CDK19: variants seen among roughly 807,000 people sequenced by gnomAD.
CDK19 encodes cyclin dependent kinase 19.
Under a neutral mutation model 68.3 loss-of-function variants are expected in CDK19, and 20 were observed. That is an observed-to-expected ratio of 0.29 (90% CI 0.21 to 0.43). The LOEUF (loss-of-function observed/expected upper bound fraction) is 0.43. CDK19 is among the 20% of genes least tolerant of loss of function. The pLI, the probability that CDK19 is intolerant of heterozygous loss-of-function variation, is 1.00. For synonymous variants in CDK19, 221 were observed against 222.8 expected (o/e 0.99, Z 0.07); for missense variants, 339 against 623.5 (o/e 0.54, Z 4.86).
intron 4 of CDK19, among the ~76,000 whole-genome samples, chr6:110,653,968 C>G (rs1207342933): frequency 6.6e-6 from 1 of 152,132 alleles, no homozygotes; most frequent in African/African-American, 2.4e-5. Context: ...AAATATGAAA[C>G]TCATAATATG....
At chr6:110,809,477 C>T (rs1286838416) in intron 1 of CDK19, among the ~76,000 whole-genome samples, 3 of 152,128 alleles carry the variant, frequency 2.0e-5, no homozygotes, top group South Asian at 4.2e-4. Flanking sequence ...TACGACTGCA[C>T]GACAGCACTC....
At chr6:110,699,303 T>C (rs1562209302) in intron 2 of CDK19, among the ~76,000 whole-genome samples, 1 of 151,460 alleles carries the variant, frequency 6.6e-6, no homozygotes, top group Non-Finnish European at 1.5e-5. Context: ...TGCATGTCTG[T>C]AATCCTAGCT....
intron 1 of CDK19, among the ~76,000 whole-genome samples, chr6:110,768,413 A>G (rs1265495249): frequency 1.3e-5 from 2 of 152,228 alleles, no homozygotes; most frequent in Admixed American, 6.5e-5. Context: ...AGATGAAAAC[A>G]TGTCTAAAGA....
At chr6:110,644,291 C>CAA (rs1282326460) in intron 4 of CDK19, among the ~76,000 whole-genome samples, 5 of 94,476 alleles carry the variant, frequency 5.3e-5, no homozygotes, top group Non-Finnish European at 8.7e-5. Flanking sequence ...GACTTCATCT[C>CAA]AAAAAAAAAA....
At chr6:110,767,410 G>A (rs2114978618) in intron 1 of CDK19, among the ~76,000 whole-genome samples, 1 of 151,918 alleles carries the variant, frequency 6.6e-6, no homozygotes, top group South Asian at 2.1e-4. Flanking sequence ...CTGAGGTCAG[G>A]AGTTCGAGAC....
chr6:110,659,324 G>C (rs546846455), intron 4 of CDK19, among the ~76,000 whole-genome samples: 1 of 152,320 alleles, frequency 6.6e-6, no homozygotes, highest in South Asian at 2.1e-4. Flanking sequence ...TCTTACAGCT[G>C]AGTGAAAACA....
chr6:110,669,375 G>C (rs1479740561), intron 3 of CDK19, among the ~76,000 whole-genome samples: 1 of 152,214 alleles, frequency 6.6e-6, no homozygotes, highest in African/African-American at 2.4e-5. Flanking sequence ...TACTTGGAAG[G>C]CTGAGGCAGG....
At chr6:110,664,977 C>T (rs1781834760) in intron 4 of CDK19, among the ~76,000 whole-genome samples, 2 of 151,976 alleles carry the variant, frequency 1.3e-5, no homozygotes, top group South Asian at 4.1e-4. Flanking sequence ...AGGGAACACT[C>T]AATAGTTCAG....
chr6:110,749,817 G>GCTCTTCCAATTCTTCATGACAGA (rs1554218100), intron 1 of CDK19, among the ~76,000 whole-genome samples: 21 of 145,966 alleles, frequency 1.4e-4, no homozygotes, highest in South Asian at 2.4e-4. Context: ...CTGTTGCTCA[G>GCTCTTCCAATTCTTCATGACAGA]GCTGGAGTGC....
At chr6:110,770,252 G>A (rs1033967012) in intron 1 of CDK19, among the ~76,000 whole-genome samples, 11 of 152,076 alleles carry the variant, frequency 7.2e-5, no homozygotes, top group Non-Finnish European at 1.3e-4. Flanking sequence ...GTATTAGTCC[G>A]TTTTCATGCT....
intron 1 of CDK19, among the ~76,000 whole-genome samples, chr6:110,768,476 G>A (rs770375456): frequency 2.6e-4 from 40 of 152,162 alleles, no homozygotes; most frequent in Non-Finnish European, 4.4e-4. Flanking sequence ...GCCAAAAGCT[G>A]GAAGCAACCA....
intron 2 of CDK19, among the ~76,000 whole-genome samples, chr6:110,671,299 A>G (rs925162540): frequency 6.6e-6 from 1 of 152,208 alleles, no homozygotes; most frequent in African/African-American, 2.4e-5. Context: ...ATTTAGCAAC[A>G]ATGACATTAT....
At chr6:110,668,401 T>A (rs1213051911) in intron 3 of CDK19, among the ~76,000 whole-genome samples, 3 of 152,266 alleles carry the variant, frequency 2.0e-5, no homozygotes, top group Non-Finnish European at 4.4e-5. Context: ...ACAGCTTTTT[T>A]ATTTTTATAA....
At chr6:110,616,152 A>G (rs1225152622) in intron 12 of CDK19, among the ~76,000 whole-genome samples, 4 of 152,214 alleles carry the variant, frequency 2.6e-5, no homozygotes, top group Non-Finnish European at 5.9e-5. Flanking sequence ...TTCTCTATTG[A>G]AATTCCTGTC....
intron 1 of CDK19, among the ~76,000 whole-genome samples, chr6:110,794,406 C>CTTTGAAACT: frequency 7.6e-6 from 1 of 132,028 alleles, no homozygotes; most frequent in African/African-American, 2.9e-5. Flanking sequence ...TAGTTTGAAA[C>CTTTGAAACT]TTTTTTTTTT....
At chr6:110,642,794 G>A (rs1261946495) in intron 4 of CDK19, among the ~76,000 whole-genome samples, 2 of 151,978 alleles carry the variant, frequency 1.3e-5, no homozygotes, top group Admixed American at 1.3e-4. Context: ...AGGAGGGGAG[G>A]GGAGGGGAGG....
intron 2 of CDK19, among the ~76,000 whole-genome samples, chr6:110,691,972 AAAG>A (rs1259305704): frequency 2.0e-5 from 3 of 151,520 alleles, no homozygotes; most frequent in African/African-American, 7.3e-5. Flanking sequence ...AAAAAAAAAG[AAAG>A]AAAAATCAAT....
intron 2 of CDK19, among the ~76,000 whole-genome samples, chr6:110,726,245 AG>A (rs1193977553): frequency 6.6e-6 from 1 of 152,218 alleles, no homozygotes; most frequent in Non-Finnish European, 1.5e-5. Context: ...GGAAAGTATT[AG>A]GGAATACTTT....
At chr6:110,795,808 A>G (rs1781896551) in intron 1 of CDK19, among the ~76,000 whole-genome samples, 2 of 152,290 alleles carry the variant, frequency 1.3e-5, no homozygotes, top group Admixed American at 6.5e-5. Flanking sequence ...ATATTCATAT[A>G]AGAGTATAAA....
Sources: gnomAD v4.1 joint callset for allele counts (sites outside exome capture counted in the v4.1 genomes callset) on GRCh38, gnomAD v4.1.1 for gene constraint, MANE v1.5 for transcripts, NCBI Gene and HGNC (gene_info 2026-07-23, HGNC 2026-07-21) for gene names.